The following STMN4 variants were observed in gnomAD, a reference collection of about 807,000 sequenced individuals.
The protein encoded by STMN4 is stathmin 4, also known as stathmin-4.
In STMN4, 12 loss-of-function variants were observed where a neutral mutation model predicts 29.1. The observed-to-expected ratio is 0.41, with a 90% CI of 0.26 to 0.67. The LOEUF is 0.67. Ranked by LOEUF, STMN4 falls within the 30% of genes least tolerant of loss-of-function variation. The probability of loss-of-function intolerance (pLI) is 0.30; values close to 1 mark genes in which losing one functional copy is unlikely to be tolerated. For missense variants in STMN4, 181 were observed against 262.8 expected (o/e 0.69, Z 2.15); for synonymous variants, 114 against 105.3 (o/e 1.08, Z -0.51).
intron 6 of STMN4, among the ~76,000 whole-genome samples, chr8:27,238,858 G>C (rs1258181968): frequency 6.6e-6 from 1 of 152,282 alleles, no homozygotes; most frequent in Non-Finnish European, 1.5e-5. Context: ...ATTTTGCAAA[G>C]AGTCTCTCAA....
In STMN4 at chr8:27,241,042, G is replaced by T. The variant is rs767022616; in HGVS notation, c.399+12C>A. ...GCTGAGAGGGAGGAAAGAAGGAAGG[G>T]TCAGCATTTACCTTCCTTCGCTCCT... On this transcript the variant is annotated intron_variant, in intron 5 of 6. Transcript: ENST00000350889. The T allele has an allele frequency of 6.5e-5, 104 of 1,608,718 alleles. No individual in the cohort carries two copies. Among genetic ancestry groups the T allele is most frequent in the Non-Finnish European group, 8.6e-5 (101 of 1,176,798 alleles).
intron 1 of STMN4, among the ~76,000 whole-genome samples, chr8:27,253,700 A>ATT (rs34987732): frequency 5.0e-4 from 75 of 148,916 alleles, no homozygotes; most frequent in Middle Eastern, 3.5e-3. Context: ...CATTGATACC[A>ATT]TTTTTTTTTG....
rs1801500417 is a variant in STMN4 at position 27,242,364 on chromosome 8, G to A, written c.109+33C>T. 9.3e-6 allele frequency: 15 copies of A among 1,608,186 alleles called. No homozygotes were observed. In the East Asian group the frequency reaches 3.3e-4, roughly 36 times the overall value. On this transcript the variant is annotated intron_variant, in intron 3 of 6. Coordinates refer to ENST00000350889, the MANE Select transcript of STMN4 (RefSeq NM_030795.4). ...TGAGGACAGGACACAGGGCCCCCCC[G>A]CCCCTCACTTTCCTGGCTGAGCCTT...
intron 1 of STMN4, among the ~76,000 whole-genome samples, chr8:27,249,608 A>G (rs1422372631): frequency 1.3e-5 from 2 of 152,094 alleles, no homozygotes; most frequent in Non-Finnish European, 2.9e-5. Context: ...GTCCCCAAAC[A>G]CCATCCTGGA....
chr8:27,248,311 C>T (rs1801687385), intron 1 of STMN4, among the ~76,000 whole-genome samples: 1 of 152,082 alleles, frequency 6.6e-6, no homozygotes, highest in South Asian at 2.1e-4. Flanking sequence ...TGGCCTCATC[C>T]CAGACTGTGA....
At chr8:27,247,844 A>C (rs1196553514) in intron 1 of STMN4, among the ~76,000 whole-genome samples, 1 of 152,242 alleles carries the variant, frequency 6.6e-6, no homozygotes, top group East Asian at 1.9e-4. Context: ...CCAGCAGAGC[A>C]ATGGAAGGCA....
At chr8:27,243,974 C>G (rs1012665324) in intron 1 of STMN4, among the ~76,000 whole-genome samples, 173 bp from the exon 2 acceptor site, 12 of 152,204 alleles carry the variant, frequency 7.9e-5, no homozygotes, top group African/African-American at 2.9e-4. Context: ...CTCCCTCCCA[C>G]AATGATGCTA....
intron 3 of STMN4, chr8:27,242,183 C>A (rs1164849286): frequency 3.4e-6 from 2 of 591,458 alleles, no homozygotes; most frequent in African/African-American, 1.9e-5. Context: ...CTCTGGGGGG[C>A]GCCTGATGCA....
chr8:27,242,356 G>GC (rs776635514), intron 3 of STMN4, 41 bp downstream of exon 3: 27 of 1,598,400 alleles, frequency 1.7e-5, no homozygotes, highest in African/African-American at 2.7e-5. Context: ...AGGACACAGG[G>GC]CCCCCCCGCC....
intron 1 of STMN4, among the ~76,000 whole-genome samples, chr8:27,252,218 C>T (rs1801811273): frequency 2.0e-5 from 3 of 152,072 alleles, no homozygotes; most frequent in Non-Finnish European, 4.4e-5. Context: ...CATTGTTGGA[C>T]ATTTGGGTTG....
Position 27,236,247 on chromosome 8 carries a change from T to A in STMN4, c.*599A>T, listed in dbSNP as rs1801307321. 1.3e-5 allele frequency: 2 copies of A among 152,342 alleles called. No individual in the cohort carries two copies. Among genetic ancestry groups the A allele is most frequent in the South Asian group, 4.1e-4 (2 of 4,820 alleles). 9.4% of individuals were successfully genotyped at this position (152,342 alleles called of 1,614,324 possible). On this transcript the variant is annotated 3_prime_UTR_variant, in exon 7 of 7. Transcript: ENST00000350889. Reference sequence around the variant, plus strand: ...TGGATGAAAGCCAGGTTTCGAGAACTTTTTAACAATTACCCAAAGGACACA... The same window carrying A: ...TGGATGAAAGCCAGGTTTCGAGAACATTTTAACAATTACCCAAAGGACACA...
rs984094558 is a variant in STMN4, at chr8:27,235,589, C to A, written c.*1257G>T. On this transcript the variant is annotated 3_prime_UTR_variant, in exon 7 of 7. Coordinates refer to ENST00000350889, the MANE Select transcript of STMN4 (RefSeq NM_030795.4). ...TTCTAATCTACCTAGAATCTCAAAC[C>A]CCCAAAGCATGGAGGACTTCTGCTA... is the stretch of plus-strand genomic sequence containing the variant. 2 of 152,182 alleles carry A rather than the reference C, an allele frequency of 1.3e-5. No homozygotes were observed. Among genetic ancestry groups the A allele is most frequent in the Non-Finnish European group, 2.9e-5 (2 of 68,068 alleles). The allele number at this position is 152,182 out of a possible 1,614,324, so 9.4% of individuals were successfully genotyped here.
intron 1 of STMN4, among the ~76,000 whole-genome samples, chr8:27,248,983 C>T (rs1429088376): frequency 7.9e-5 from 12 of 152,204 alleles, no homozygotes; most frequent in African/African-American, 2.4e-5. Flanking sequence ...CCATACATTT[C>T]CCCCAGCACC....
chr8:27,246,031 T>G lies in STMN4; in HGVS notation c.-78-2230A>C, dbSNP rs181968206. ...AGCTCTAAGGGTGCAGAGCTGGGTC[T>G]AGTCTCCAGGTCTCTCGACTTGTAA... is the stretch of plus-strand genomic sequence containing the variant. On this transcript the variant is annotated intron_variant, in intron 1 of 6. Coordinates refer to ENST00000350889, the MANE Select transcript of STMN4 (RefSeq NM_030795.4). Among the ~76,000 whole-genome samples, 309 of 152,312 alleles carry G rather than the reference T, an allele frequency of 2.0e-3. 1 individual carries two copies. The highest frequency in any genetic ancestry group is 7.3e-3 in the African/African-American group (302 of 41,562).
Position 27,241,120 on chromosome 8 carries a change from T to A in STMN4, c.333A>T (p.Pro111=), listed in dbSNP as rs758293592. Residue 111 remains proline, a synonymous_variant, in exon 5 of 7, where the codon CCA becomes CCT. Transcript: ENST00000350889. ...CTTCCAGGGATGGGTCTCGCCGCCT[T>A]GGCAGGGAGGCGTTGAACTCGGGAA... ...DGVPEFNASL[P]RRRDPSLEEI... 1.2e-6 allele frequency: 2 copies of A among 1,614,198 alleles called. No homozygotes were observed. Among genetic ancestry groups the A allele is most frequent in the Admixed American group, 3.3e-5 (2 of 60,022 alleles).
chr8:27,249,093 A>C (rs999430902), intron 1 of STMN4, among the ~76,000 whole-genome samples: 11 of 151,676 alleles, frequency 7.3e-5, no homozygotes, highest in Non-Finnish European at 1.3e-4. Flanking sequence ...GTGGGTGATA[A>C]CCCCCCCCAA....
intron 1 of STMN4, among the ~76,000 whole-genome samples, chr8:27,252,448 C>A (rs973700040): frequency 6.6e-6 from 1 of 152,262 alleles, no homozygotes; most frequent in African/African-American, 2.4e-5. Context: ...AAACAAACAA[C>A]CCCATCAAAA....
intron 1 of STMN4, among the ~76,000 whole-genome samples, chr8:27,255,572 T>C (rs1801916915): frequency 6.6e-6 from 1 of 152,234 alleles, no homozygotes; most frequent in South Asian, 2.1e-4. Flanking sequence ...GTTGGTTTAA[T>C]ATAGACACAA....
At chr8:27,239,330 T>C in intron 6 of STMN4, 3 of 1,531,716 alleles carry the variant, frequency 2.0e-6, no homozygotes, top group Non-Finnish European at 2.6e-6. Flanking sequence ...CAGGAGAAAC[T>C]GGGGCGGCCT....
Sources: allele counts gnomAD v4.1 joint callset (sites outside exome capture counted in the v4.1 genomes callset), GRCh38; gene constraint gnomAD v4.1.1; transcripts MANE v1.5; gene names NCBI Gene and HGNC (gene_info 2026-07-23, HGNC 2026-07-21).